Variants in PDE9A observed in about 807,000 individuals in gnomAD.
The protein encoded by PDE9A is phosphodiesterase 9A.
Under a neutral mutation model 87.4 loss-of-function variants are expected in PDE9A, and 60 were observed. That is an observed-to-expected ratio of 0.69 (90% CI 0.56 to 0.85). The LOEUF is 0.85. PDE9A is among the 40% of genes least tolerant of loss of function. The pLI, the probability that PDE9A is intolerant of heterozygous loss-of-function variation, is 0.00. For synonymous variants in PDE9A, 272 were observed against 279.4 expected, an observed-to-expected ratio of 0.97 and a Z score of 0.27; for missense variants, 665 against 779.0, an observed-to-expected ratio of 0.85 and a Z score of 1.74.
intron 17 of PDE9A, 32 bp from the exon 18 acceptor site, chr21:42,770,671 G>C: frequency 1.3e-6 from 2 of 1,538,884 alleles, no homozygotes; most frequent in Non-Finnish European, 1.8e-6. Flanking sequence ...TAAGAACGAG[G>C]GACTCTGAAT....
At chr21:42,727,291 C>T (rs1015618265) in intron 4 of PDE9A, among the ~76,000 whole-genome samples, 2 of 151,880 alleles carry the variant, frequency 1.3e-5, no homozygotes, top group Admixed American at 6.6e-5. Context: ...AGTTTGACAC[C>T]TAGGGGCATT....
At chr21:42,773,358 G>GT (rs1210494390) in intron 19 of PDE9A, among the ~76,000 whole-genome samples, 1 of 151,916 alleles carries the variant, frequency 6.6e-6, no homozygotes, top group Non-Finnish European at 1.5e-5. Context: ...ACTTATAAGA[G>GT]TAAGTACTTT....
intron 1 of PDE9A, among the ~76,000 whole-genome samples, chr21:42,654,962 G>A (rs1251136181): frequency 1.3e-5 from 2 of 150,986 alleles, no homozygotes; most frequent in Admixed American, 6.6e-5. Context: ...GGGCAGCTGG[G>A]CAGCGGCAGA....
chr21:42,670,142 C>T (rs930695930), intron 1 of PDE9A, among the ~76,000 whole-genome samples: 18 of 139,960 alleles, frequency 1.3e-4, no homozygotes, highest in Admixed American at 1.0e-3. Context: ...CACATGCTTA[C>T]ACACACATTC....
chr21:42,760,374 G>A lies in PDE9A; in HGVS notation c.944G>A (p.Arg315Gln), dbSNP rs770239072. Residue 315 changes from arginine (R) to glutamine (Q), a missense_variant, in exon 12 of 20, where the codon CGG (arginine) becomes CAG (glutamine). By Grantham distance (43) the Arg-to-Gln change is conservative. Coordinates refer to ENST00000291539, the MANE Select transcript of PDE9A (RefSeq NM_002606.3). The surrounding 1 kb of genome is among the most constrained non-coding windows in gnomAD (Gnocchi z 5.2). Reference sequence around the variant, plus strand: ...AGAAACAACCCCTTCCACAACTTCCGGCACTGCTTCTGCGTGGCCCAGATG... The same window carrying A: ...AGAAACAACCCCTTCCACAACTTCCAGCACTGCTTCTGCGTGGCCCAGATG... ...NYRNNPFHNF[R>Q]HCFCVAQMMY... 5.0e-6 allele frequency: 8 copies of A among 1,610,352 alleles called. No individual in the cohort carries two copies. Among genetic ancestry groups the A allele is most frequent in the East Asian group, 2.2e-5 (1 of 44,876 alleles).
Position 42,701,635 on chromosome 21 carries a change from C to T in PDE9A, c.262+2624C>T, listed in dbSNP as rs751942181. On this transcript the variant is annotated intron_variant, in intron 4 of 19. Coordinates refer to ENST00000291539, the MANE Select transcript of PDE9A (RefSeq NM_002606.3). Reference sequence around the variant, plus strand: ...AAGTTTTTATAGGGACAAGGTCTTACAGTATTGCCCAGGCTGGTCTCAAAC... The same window carrying T: ...AAGTTTTTATAGGGACAAGGTCTTATAGTATTGCCCAGGCTGGTCTCAAAC... 4.6e-5 allele frequency among the ~76,000 whole-genome samples: 7 copies of T among 151,964 alleles called. No individual in the cohort carries two copies. In the South Asian group the frequency reaches 1.2e-3, roughly 27 times the overall value.
chr21:42,769,557 GGC>G (rs940195314), intron 17 of PDE9A, among the ~76,000 whole-genome samples: 4 of 78,668 alleles, frequency 5.1e-5, no homozygotes, highest in South Asian at 4.5e-4. Flanking sequence ...TGCACACACA[GGC>G]ACACACACAC....
chr21:42,663,407 G>A (rs2057740869), intron 1 of PDE9A, among the ~76,000 whole-genome samples: 1 of 152,228 alleles, frequency 6.6e-6, no homozygotes, highest in Admixed American at 6.5e-5. Flanking sequence ...GGAGTTGAGT[G>A]GGGACGAGGC....
At chr21:42,771,882 G>A (rs1028214737) in intron 18 of PDE9A, among the ~76,000 whole-genome samples, 7 of 152,216 alleles carry the variant, frequency 4.6e-5, no homozygotes, top group African/African-American at 1.4e-4. Context: ...GTCACAGAAA[G>A]GTCTCTAAAC....
In PDE9A at chr21:42,692,729, G is replaced by A. The variant is rs1286583601; in HGVS notation, c.218+4735G>A. ...CCGCTTCCGTCCCTCTTCCCTCGCCGGCAGGTGACGTTACTGGCCTTTTCT... is the reference window on the plus strand; with the variant it reads ...CCGCTTCCGTCCCTCTTCCCTCGCCAGCAGGTGACGTTACTGGCCTTTTCT... On this transcript the variant is annotated intron_variant, in intron 3 of 19. Transcript: ENST00000291539. This position sits in a 1 kb window ranked among gnomAD's most constrained non-coding sequence, Gnocchi z 4.3. Among the ~76,000 whole-genome samples, 2 of 152,068 alleles carry A rather than the reference G, an allele frequency of 1.3e-5. No homozygotes were observed. The highest frequency in any genetic ancestry group is 1.3e-4 in the Admixed American group (2 of 15,282).
At chr21:42,736,501 A>G (rs1007955486) in intron 7 of PDE9A, among the ~76,000 whole-genome samples, 12 of 152,130 alleles carry the variant, frequency 7.9e-5, no homozygotes, top group African/African-American at 1.2e-4. Flanking sequence ...CTGGAAAAGG[A>G]CACCGCTCTT....
At chr21:42,763,998 C>T (rs536878596) in intron 14 of PDE9A, among the ~76,000 whole-genome samples, 3 of 152,228 alleles carry the variant, frequency 2.0e-5, no homozygotes, top group Non-Finnish European at 4.4e-5. Context: ...CACCATGTGC[C>T]AGAGGCAGAG....
chr21:42,657,085 G>GA (rs1311223536), intron 1 of PDE9A, among the ~76,000 whole-genome samples: 1 of 152,252 alleles, frequency 6.6e-6, no homozygotes, highest in African/African-American at 2.4e-5. Flanking sequence ...GGGGCCTGAT[G>GA]AACAGGTTTT....
intron 2 of PDE9A, among the ~76,000 whole-genome samples, chr21:42,686,485 G>C (rs998796860): frequency 6.6e-6 from 1 of 152,252 alleles, no homozygotes; most frequent in East Asian, 1.9e-4. Context: ...GGAGGAAACC[G>C]TCGGGCTGAA....
At chr21:42,654,797 A>T (rs547108535) in intron 1 of PDE9A, among the ~76,000 whole-genome samples, 1 of 152,278 alleles carries the variant, frequency 6.6e-6, no homozygotes, top group Non-Finnish European at 1.5e-5. Context: ...TAAGCCAACA[A>T]GCCTCCCTCA....
chr21:42,658,182 G>C (rs537892564), intron 1 of PDE9A, among the ~76,000 whole-genome samples: 8 of 152,272 alleles, frequency 5.3e-5, no homozygotes, highest in South Asian at 2.1e-4. Context: ...CACCCAGCCT[G>C]GTCCTGGCAC....
rs1318826100 is a variant in PDE9A at position 42,762,132 on chromosome 21, T to A, written c.1135T>A (p.Ser379Thr). ...TELAVRYNDI[S>T]PLENHHCAVA... ...GCTGGCGGTCCGCTACAATGACATCTCACCGCTGGAGAACCACCACTGCGC... is the reference window on the plus strand; with the variant it reads ...GCTGGCGGTCCGCTACAATGACATCACACCGCTGGAGAACCACCACTGCGC... Residue 379 changes from serine (S) to threonine (T), a missense_variant, in exon 14 of 20, where the codon TCA becomes ACA. By Grantham distance (58) the Ser-to-Thr change is moderately conservative. Coordinates refer to ENST00000291539, the MANE Select transcript of PDE9A (RefSeq NM_002606.3). The A allele has an allele frequency of 6.2e-7, 1 of 1,614,018 alleles. No individual in the cohort carries two copies. The highest frequency in any genetic ancestry group is 1.7e-5 in the Admixed American group (1 of 60,006).
Position 42,733,433 on chromosome 21 carries a change from G to A in PDE9A, c.568+7G>A, listed in dbSNP as rs775898646. The A allele has an allele frequency of 1.2e-5, 19 of 1,563,262 alleles. No homozygotes were observed. Among genetic ancestry groups the A allele is most frequent in the Non-Finnish European group, 1.6e-5 (18 of 1,133,732 alleles). ...CTAGAGAAACGCGTGGAATGTGAGT[G>A]ACGTTTCTGTTTCCTTTTTGCTTCT... On this transcript the variant is annotated splice_region_variant and intron_variant, in intron 7 of 19. Coordinates refer to ENST00000291539, the MANE Select transcript of PDE9A (RefSeq NM_002606.3).
intron 4 of PDE9A, among the ~76,000 whole-genome samples, chr21:42,703,944 C>T (rs916153744): frequency 2.6e-5 from 4 of 152,258 alleles, no homozygotes; most frequent in Admixed American, 6.5e-5. Flanking sequence ...AACAGTGCTG[C>T]ACCGCCAGGC....
Sources: gnomAD v4.1 joint callset for allele counts (sites outside exome capture counted in the v4.1 genomes callset) on GRCh38, gnomAD v4.1.1 for gene constraint, Gnocchi (gnomAD v3.1) non-coding constraint, MANE v1.5 for transcripts, NCBI Gene and HGNC (gene_info 2026-07-23, HGNC 2026-07-21) for gene names.